The following TOP2A variants were observed in gnomAD, a reference collection of about 807,000 sequenced individuals.
The protein encoded by TOP2A is DNA topoisomerase II alpha.
TOP2A carries 68 observed loss-of-function variants against 187.2 expected under a neutral mutation model. That is an observed-to-expected ratio of 0.36 (90% CI 0.30 to 0.44). TOP2A has a LOEUF of 0.44. Ranked by LOEUF, TOP2A falls within the 20% of genes least tolerant of loss-of-function variation. TOP2A has a pLI of 1.00. For missense variants in TOP2A, 1,196 were observed against 1,808.7 expected (o/e 0.66, Z 6.14); for synonymous variants, 542 against 593.2 (o/e 0.91, Z 1.25).
chr17:40,397,006 C>T (rs146621210), intron 27 of TOP2A, among the ~76,000 whole-genome samples: 4 of 151,364 alleles, frequency 2.6e-5, no homozygotes, highest in East Asian at 1.9e-4. Context: ...CCTTGGCCTC[C>T]GGAGTAGCTG....
chr17:40,403,240 CA>C (rs1419720894), intron 19 of TOP2A, among the ~76,000 whole-genome samples, 186 bp from the exon 20 acceptor site: 2 of 152,260 alleles, frequency 1.3e-5, no homozygotes, highest in East Asian at 3.9e-4. Context: ...GGCTGCCGTC[CA>C]ACAATTTCTA....
At chr17:40,392,792 T>G (rs1263016670) in intron 29 of TOP2A, 55 bp from the exon 30 acceptor site, 36 of 1,380,742 alleles carry the variant, frequency 2.6e-5, no homozygotes, top group Non-Finnish European at 1.7e-5. Flanking sequence ...CTTTTCTCCA[T>G]CTATCATCCA....
rs2035099485 is a variant in TOP2A, at chr17:40,396,381, C to A, written c.3622G>T (p.Ala1208Ser). Residue 1208 changes from alanine (A) to serine (S), a missense_variant, in exon 28 of 35, where the codon GCT becomes TCT. Physicochemically the swap from Ala to Ser is moderately conservative, Grantham distance 99 (BLOSUM62 1). Transcript: ENST00000423485. ...CCACGCGGAGAAGGCAAAACTTCAG[C>A]CATTTGTGTTTTTTTCCCCTTGGCC... ...GKAKGKKTQM[A>S]EVLPSPRGQR... The A allele has an allele frequency of 1.2e-6, 2 of 1,613,852 alleles. No individual in the cohort carries two copies. The highest frequency in any genetic ancestry group is 1.7e-6 in the Non-Finnish European group (2 of 1,179,882).
chr17:40,394,065 CAAAA>C (rs34089833), intron 29 of TOP2A, among the ~76,000 whole-genome samples: 10 of 108,628 alleles, frequency 9.2e-5, no homozygotes, highest in Non-Finnish European at 5.8e-5. Flanking sequence ...AACTCTGCCT[CAAAA>C]AAAAAAAAAA....
At chr17:40,412,049 T>C (rs2035327961) in intron 7 of TOP2A, among the ~76,000 whole-genome samples, 2 of 151,350 alleles carry the variant, frequency 1.3e-5, no homozygotes, top group Admixed American at 1.3e-4. Context: ...AAAAAAAAAT[T>C]AGCTGGGCAT....
In TOP2A at chr17:40,392,326, G is replaced by T. The variant is rs1002192711; in HGVS notation, c.3980C>A (p.Thr1327Lys). 1 of 1,589,906 alleles carries T rather than the reference G, an allele frequency of 6.3e-7. No individual in the cohort carries two copies. The highest frequency in any genetic ancestry group is 8.6e-7 in the Non-Finnish European group (1 of 1,167,310). The change falls in exon 31 of 35, where the codon ACA (threonine) becomes AAA (lysine). Residue 1327 changes from threonine to lysine, a missense_variant. Transcript: ENST00000423485. ...PRRAATKTKF[T>K]MDLDSDEDFS... ...ATCTTCATCTGAATCCAAATCCATT[G>T]TGAATTTTGTTTTTGCTAGTAAAAA...
chr17:40,389,818 C>CT, intron 34 of TOP2A, 147 bp downstream of exon 34: 5 of 1,246,764 alleles, frequency 4.0e-6, no homozygotes, highest in Middle Eastern at 2.0e-4. Context: ...GCATATTTAA[C>CT]TTTGTTAAAA....
intron 10 of TOP2A, chr17:40,409,566 C>A: frequency 2.5e-6 from 1 of 401,858 alleles, no homozygotes; most frequent in Non-Finnish European, 4.9e-6. Context: ...CAAGACCAGC[C>A]TGGCCAACAT....
intron 20 of TOP2A, among the ~76,000 whole-genome samples, chr17:40,401,447 C>T (rs1371499985): frequency 6.6e-6 from 1 of 152,148 alleles, no homozygotes; most frequent in African/African-American, 2.4e-5. Flanking sequence ...CAGTAACTCG[C>T]GCCTGTAATC....
chr17:40,407,544 C>T lies in TOP2A; in HGVS notation c.1626+5G>A. On this transcript the variant is annotated splice_donor_5th_base_variant and intron_variant, in intron 13 of 34. Coordinates refer to ENST00000423485, the MANE Select transcript of TOP2A (RefSeq NM_001067.4). ...ACAATCTAAAAATTTAATAACAAAT[C>T]TGACCTGATCTGTCATAATCATTAT... The T allele has an allele frequency of 6.4e-7, 1 of 1,553,558 alleles. No individual in the cohort carries two copies. Among genetic ancestry groups the T allele is most frequent in the African/African-American group, 1.4e-5 (1 of 71,432 alleles).
At position 40,390,068 on chromosome 17, in the gene TOP2A, G is replaced by A. The variant is rs1275769854; in HGVS notation, c.4364C>T (p.Pro1455Leu). The A allele has an allele frequency of 6.2e-7, 1 of 1,613,908 alleles. No individual in the cohort carries two copies. ...GCGATTCTTGGTTTTGGCAGGATCA[G>A]GCTTTTGAGAGACACCAGAATTCAA... ...PALNSGVSQK[P>L]DPAKTKNRRK... Residue 1455 changes from proline (P) to leucine (L), a missense_variant, in exon 34 of 35, where the codon CCT (proline) becomes CTT (leucine). Pro to Leu is a moderately conservative substitution (Grantham distance 98). Around this residue, in one of 10 missense-constraint regions of TOP2A, gnomAD observed 374 missense variants for 403.3 expected, o/e 0.93. Coordinates refer to ENST00000423485, the MANE Select transcript of TOP2A (RefSeq NM_001067.4).
intron 10 of TOP2A, chr17:40,409,401 T>A: frequency 7.1e-6 from 3 of 419,916 alleles, no homozygotes; most frequent in Non-Finnish European, 1.4e-5. Flanking sequence ...AATAAATAAA[T>A]AAAATTAGAC....
At position 40,411,883 on chromosome 17, in the gene TOP2A, A is replaced by G; in HGVS notation, c.790-65T>C. ...TAAAAAATAGGTTCAATGATAGACT[A>G]TGAGGACTTTCCAAAACCAATGCAA... is the stretch of plus-strand genomic sequence containing the variant. On this transcript the variant is annotated intron_variant, in intron 7 of 34. Transcript: ENST00000423485. This position sits in a 1 kb window ranked among gnomAD's most constrained non-coding sequence, Gnocchi z 4.4. 1 of 1,352,136 alleles carries G rather than the reference A, an allele frequency of 7.4e-7. No individual in the cohort carries two copies. The highest frequency in any genetic ancestry group is 1.0e-6 in the Non-Finnish European group (1 of 1,001,842). 83.8% of individuals were successfully genotyped at this position (1,352,136 alleles called of 1,614,324 possible).
At chr17:40,397,936 G>A (rs1018039468) in intron 27 of TOP2A, among the ~76,000 whole-genome samples, 2 of 150,814 alleles carry the variant, frequency 1.3e-5, no homozygotes, top group Non-Finnish European at 3.0e-5. Flanking sequence ...GTGCCACTAC[G>A]CCTGGCTAAT....
In TOP2A at chr17:40,400,055, G is replaced by A; in HGVS notation, c.3013C>T (p.His1005Tyr). 1 of 1,603,842 alleles carries A rather than the reference G, an allele frequency of 6.2e-7. No homozygotes were observed. Among genetic ancestry groups the A allele is most frequent in the South Asian group, 1.1e-5 (1 of 89,024 alleles). Reference sequence around the variant, plus strand: ...TCATATTTCTTTAAACAGCCTACGTGGTCAAAAAGCACCTGAAAAAGGAAA... The same window carrying A: ...TCATATTTCTTTAAACAGCCTACGTAGTCAAAAAGCACCTGAAAAAGGAAA... ...LTCNSMVLFD[H>Y]VGCLKKYDTV... is the part of the protein sequence containing the mutation. Residue 1005 changes from histidine to tyrosine, a missense_variant, in exon 24 of 35, where the codon CAC becomes TAC. Around this residue, in one of 10 missense-constraint regions of TOP2A, gnomAD observed 232 missense variants for 306.1 expected, o/e 0.76. Transcript: ENST00000423485.
chr17:40,412,995 C>T, intron 6 of TOP2A, 24 bp from the exon 7 acceptor site: 5 of 1,578,144 alleles, frequency 3.2e-6, no homozygotes, highest in Non-Finnish European at 3.5e-6. Flanking sequence ...GAATAGGAAA[C>T]ATGAAAAATT....
In TOP2A at chr17:40,390,030, G is replaced by T. The variant is rs923356968; in HGVS notation, c.4402C>A (p.Pro1468Thr). Residue 1468 changes from proline (P) to threonine (T), a missense_variant, in exon 34 of 35, where the codon CCA becomes ACA. Physicochemically the swap from Pro to Thr is conservative, Grantham distance 38. Around this residue, in one of 10 missense-constraint regions of TOP2A, gnomAD observed 374 missense variants for 403.3 expected, o/e 0.93. Coordinates refer to ENST00000423485, the MANE Select transcript of TOP2A (RefSeq NM_001067.4). ...AKTKNRRKRKPSTSDDSDSNF... is the reference protein window; with the variant it reads ...AKTKNRRKRKTSTSDDSDSNF... ...GAGTCAGAATCATCAGAAGTGGATG[G>T]CTTCCTTTTGCGGCGATTCTTGGTT... The T allele has an allele frequency of 2.5e-6, 4 of 1,613,892 alleles. No individual in the cohort carries two copies. In the South Asian group the frequency reaches 3.3e-5, roughly 13 times the overall value.
chr17:40,400,789 C>T (rs1404270092), intron 21 of TOP2A, 61 bp downstream of exon 21: 6 of 1,559,500 alleles, frequency 3.8e-6, no homozygotes, highest in Non-Finnish European at 5.3e-6. Context: ...TTTAATCATA[C>T]AATCTATTCA....
At chr17:40,409,167 C>G in intron 10 of TOP2A, 1 of 278,836 alleles carries the variant, frequency 3.6e-6, no homozygotes, top group South Asian at 2.9e-5. Context: ...GCACTCCAGC[C>G]TGGGTGACAA....
Sources: allele counts gnomAD v4.1 joint callset (sites outside exome capture counted in the v4.1 genomes callset), GRCh38; gene constraint gnomAD v4.1.1; regional missense constraint gnomAD v4.1.1; non-coding constraint Gnocchi (gnomAD v3.1); transcripts MANE v1.5; gene names NCBI Gene and HGNC (gene_info 2026-07-23, HGNC 2026-07-21).